BMP6: variants seen among roughly 807,000 people sequenced by gnomAD.
The protein encoded by BMP6 is VG-1-R.
A neutral mutation model predicts 54.1 loss-of-function variants in BMP6; 17 were observed. The observed-to-expected ratio is 0.31, with a 90% CI of 0.22 to 0.47. The LOEUF (loss-of-function observed/expected upper bound fraction) is 0.47, where lower values mean the gene tolerates loss of function less well. Among genes scored for constraint, BMP6 ranks in the 20% least tolerant of loss-of-function variants. The pLI is 1.00. For synonymous variants in BMP6, 328 were observed against 291.2 expected (o/e 1.13, Z -1.28); for missense variants, 720 against 690.4 (o/e 1.04, Z -0.48).
At chr6:7,794,379 G>A (rs1361355807) in intron 1 of BMP6, among the ~76,000 whole-genome samples, 1 of 152,152 alleles carries the variant, frequency 6.6e-6, no homozygotes, top group Admixed American at 6.5e-5. Flanking sequence ...GCCAAGGCAG[G>A]AGGATCCCTT....
intron 1 of BMP6, among the ~76,000 whole-genome samples, chr6:7,783,638 T>C (rs187699774): frequency 6.6e-6 from 1 of 152,240 alleles, no homozygotes; most frequent in Non-Finnish European, 1.5e-5. Flanking sequence ...TTGTAAAAAT[T>C]GTTAAGATTG....
chr6:7,879,688 C>T (rs1001502328), intron 5 of BMP6, among the ~76,000 whole-genome samples: 4 of 152,128 alleles, frequency 2.6e-5, no homozygotes, highest in East Asian at 1.9e-4. Context: ...GCAGGAGCAC[C>T]GTGGGCTCCT....
chr6:7,726,685 C>T lies in BMP6; in HGVS notation c.-271C>T, dbSNP rs1187901046. 1 of 164,608 alleles carries T rather than the reference C, an allele frequency of 6.1e-6. No individual in the cohort carries two copies. The highest frequency in any genetic ancestry group is 1.3e-5 in the Non-Finnish European group (1 of 76,534). 10.2% of individuals were successfully genotyped at this position (164,608 alleles called of 1,614,324 possible). ...GACGCACCTGGCCTGGACCGCGCGC[C>T]TCTAGAGACCTGCGCGAGGCTGTGA... On this transcript the variant is annotated 5_prime_UTR_variant, in exon 1 of 7. Coordinates refer to ENST00000283147, the MANE Select transcript of BMP6 (RefSeq NM_001718.6).
intron 1 of BMP6, among the ~76,000 whole-genome samples, chr6:7,780,548 G>A (rs373579679): frequency 2.8e-5 from 4 of 145,420 alleles, no homozygotes; most frequent in Middle Eastern, 3.8e-3. Context: ...AAATTCCATC[G>A]CAAAAAAAAA....
rs1322033556 is a variant in BMP6 at position 7,781,792 on chromosome 6, T to C, written c.664+54173T>C. Reference sequence around the variant, plus strand: ...GTCTGGGAAGGTTTCCTGGAACAAATGGCGCTTGGTCAGAGGCCCCATGTC... The same window carrying C: ...GTCTGGGAAGGTTTCCTGGAACAAACGGCGCTTGGTCAGAGGCCCCATGTC... On this transcript the variant is annotated intron_variant, in intron 1 of 6. Coordinates refer to ENST00000283147, the MANE Select transcript of BMP6 (RefSeq NM_001718.6). Among the ~76,000 whole-genome samples the C allele has an allele frequency of 1.3e-5, 2 of 151,446 alleles. 1 individual carries two copies. The highest frequency in any genetic ancestry group is 3.0e-5 in the Non-Finnish European group (2 of 67,642).
chr6:7,756,970 C>A (rs948739700), intron 1 of BMP6, among the ~76,000 whole-genome samples: 23 of 152,130 alleles, frequency 1.5e-4, no homozygotes, highest in Admixed American at 1.0e-3. Flanking sequence ...CAGAACTCAG[C>A]CAAAGGTTAG....
chr6:7,837,432 G>C (rs1758891974), intron 1 of BMP6, among the ~76,000 whole-genome samples: 1 of 152,196 alleles, frequency 6.6e-6, no homozygotes, highest in Non-Finnish European at 1.5e-5. Context: ...AACAACCATA[G>C]ATAGAGCAGA....
chr6:7,775,264 C>G (rs1757846213), intron 1 of BMP6, among the ~76,000 whole-genome samples: 1 of 152,114 alleles, frequency 6.6e-6, no homozygotes, highest in Admixed American at 6.5e-5. Context: ...AAATTGTGGA[C>G]TTTTGGCTAA....
At chr6:7,821,435 C>T (rs996030974) in intron 1 of BMP6, among the ~76,000 whole-genome samples, 3 of 152,110 alleles carry the variant, frequency 2.0e-5, no homozygotes, top group Admixed American at 6.5e-5. Flanking sequence ...CTGTAATCCC[C>T]GCACTTTGGG....
At chr6:7,776,805 T>C (rs529040080) in intron 1 of BMP6, among the ~76,000 whole-genome samples, 109 of 152,286 alleles carry the variant, frequency 7.2e-4, no homozygotes, top group Non-Finnish European at 1.3e-3. Context: ...CAGATAGTAT[T>C]TTAACATTTT....
At chr6:7,741,313 G>A (rs1581228427) in intron 1 of BMP6, among the ~76,000 whole-genome samples, 2 of 151,156 alleles carry the variant, frequency 1.3e-5, no homozygotes, top group South Asian at 2.1e-4. Context: ...TATTATTTTT[G>A]TAGAGACAGG....
chr6:7,820,142 C>T (rs1482133897), intron 1 of BMP6, among the ~76,000 whole-genome samples: 2 of 152,196 alleles, frequency 1.3e-5, no homozygotes, highest in Admixed American at 6.5e-5. Context: ...CAGCTAACTA[C>T]AATTTTGTTT....
intron 3 of BMP6, 63 bp downstream of exon 3, chr6:7,861,662 C>A: frequency 6.3e-7 from 1 of 1,593,322 alleles, no homozygotes; most frequent in African/African-American, 1.3e-5. Flanking sequence ...ATTTCCCTTA[C>A]AGCAGTTGTG....
chr6:7,836,522 T>G (rs965578210), intron 1 of BMP6, among the ~76,000 whole-genome samples: 1 of 152,178 alleles, frequency 6.6e-6, no homozygotes, highest in Non-Finnish European at 1.5e-5. Context: ...TTTCCTGGTT[T>G]TGATCTTGTA....
chr6:7,797,886 G>T (rs1758214755), intron 1 of BMP6, among the ~76,000 whole-genome samples: 1 of 152,150 alleles, frequency 6.6e-6, no homozygotes. Context: ...CTGGTAATTT[G>T]TTCCATCATG....
At chr6:7,747,907 A>G (rs1000905325) in intron 1 of BMP6, among the ~76,000 whole-genome samples, 1 of 152,052 alleles carries the variant, frequency 6.6e-6, no homozygotes, top group African/African-American at 2.4e-5. Context: ...CAGCCTCCCA[A>G]AGTGCTGGGA....
At chr6:7,730,526 C>T (rs534844638) in intron 1 of BMP6, among the ~76,000 whole-genome samples, 4 of 152,192 alleles carry the variant, frequency 2.6e-5, no homozygotes, top group Admixed American at 6.5e-5. Flanking sequence ...AAACCTTTTG[C>T]GGGTAAGTAG....
At chr6:7,826,261 A>G (rs755430898) in intron 1 of BMP6, among the ~76,000 whole-genome samples, 60 of 152,256 alleles carry the variant, frequency 3.9e-4, no homozygotes, top group Non-Finnish European at 5.7e-4. Flanking sequence ...CTTCTAGTCA[A>G]GTTTCTTCTG....
intron 1 of BMP6, among the ~76,000 whole-genome samples, chr6:7,762,743 T>G (rs1757631391): frequency 6.6e-6 from 1 of 152,198 alleles, no homozygotes; most frequent in African/African-American, 2.4e-5. Context: ...TCCACGCATT[T>G]TAAGTGTTTT....
Sources: allele counts gnomAD v4.1 joint callset (sites outside exome capture counted in the v4.1 genomes callset), GRCh38; gene constraint gnomAD v4.1.1; transcripts MANE v1.5; gene names NCBI Gene and HGNC (gene_info 2026-07-23, HGNC 2026-07-21).